Variants in ADGRL2 observed in about 807,000 individuals in gnomAD.
ADGRL2 encodes calcium-independent alpha-latrotoxin receptor 2.
Under a neutral mutation model 157.4 loss-of-function variants are expected in ADGRL2, and 44 were observed. The ratio of observed to expected loss-of-function variants is 0.28; its 90% CI spans 0.22 to 0.36. ADGRL2 has a LOEUF of 0.36. Ranked by LOEUF, ADGRL2 falls within the 10% of genes least tolerant of loss-of-function variation. The pLI is 1.00. For synonymous variants in ADGRL2, 585 were observed against 624.7 expected (o/e 0.94, Z 0.95); for missense variants, 1,510 against 1,768.9 (o/e 0.85, Z 2.63).
At chr1:81,629,002 G>C (rs1398404384) in intron 3 of ADGRL2, among the ~76,000 whole-genome samples, 1 of 152,148 alleles carries the variant, frequency 6.6e-6, no homozygotes, top group Non-Finnish European at 1.5e-5. Context: ...AGTCTCATTA[G>C]AGTTTTCTAG....
At chr1:81,505,740 CAAAAAAAAAAA>C (rs59062091) in intron 2 of ADGRL2, among the ~76,000 whole-genome samples, 2,226 of 85,178 alleles carry the variant, frequency 0.026, 66 homozygotes, top group African/African-American at 0.088. Flanking sequence ...TGTCCTCCTG[CAAAAAAAAAAA>C]AAAAAAAAAA....
chr1:81,683,500 G>A (rs544897924), intron 3 of ADGRL2, among the ~76,000 whole-genome samples: 4 of 152,104 alleles, frequency 2.6e-5, no homozygotes, highest in East Asian at 3.9e-4. Context: ...ATGCCTTTGC[G>A]TCCTCATAGC....
At chr1:81,896,742 A>T (rs1044101918) in intron 2 of ADGRL2, among the ~76,000 whole-genome samples, 14 of 152,160 alleles carry the variant, frequency 9.2e-5, no homozygotes, top group African/African-American at 3.4e-4. Flanking sequence ...CTGAATAACT[A>T]ATATTCAGTT....
intron 1 of ADGRL2, among the ~76,000 whole-genome samples, chr1:81,420,094 AG>A (rs1447144801): frequency 6.6e-6 from 1 of 152,224 alleles, no homozygotes; most frequent in African/African-American, 2.4e-5. Context: ...AAAAAAATAG[AG>A]GCAACCTAAC....
At chr1:81,544,932 T>C (rs1291556471) in intron 2 of ADGRL2, among the ~76,000 whole-genome samples, 1 of 152,192 alleles carries the variant, frequency 6.6e-6, no homozygotes, top group Non-Finnish European at 1.5e-5. Flanking sequence ...CAGTTTCTCA[T>C]CTACTTTCTC....
intron 1 of ADGRL2, among the ~76,000 whole-genome samples, chr1:81,345,565 A>G (rs917250575): frequency 4.6e-5 from 7 of 152,220 alleles, no homozygotes; most frequent in Non-Finnish European, 8.8e-5. Context: ...ATTAATATTA[A>G]AATAAAAAAT....
intron 17 of ADGRL2, 72 bp downstream of exon 17, chr1:81,971,990 G>T: frequency 2.1e-6 from 1 of 481,018 alleles, no homozygotes; most frequent in South Asian, 2.4e-5. Context: ...AGGATAATTT[G>T]TTTTATTGTT....
chr1:81,682,775 A>G (rs909889000), intron 3 of ADGRL2, among the ~76,000 whole-genome samples: 3 of 152,194 alleles, frequency 2.0e-5, no homozygotes, highest in East Asian at 3.8e-4. Context: ...CTTTGCCTTT[A>G]TGGAAGTTCT....
chr1:81,611,118 T>G (rs1428980336), intron 3 of ADGRL2, among the ~76,000 whole-genome samples: 2 of 152,236 alleles, frequency 1.3e-5, no homozygotes, highest in Admixed American at 1.3e-4. Context: ...CTTTCAGCAG[T>G]TCTGCAATTG....
intron 3 of ADGRL2, among the ~76,000 whole-genome samples, chr1:81,631,486 C>A (rs1400380897): frequency 2.6e-5 from 4 of 152,148 alleles, no homozygotes; most frequent in African/African-American, 9.7e-5. Context: ...GGATTACAGG[C>A]ATGAACCACT....
rs549122613 is a variant in ADGRL2, at chr1:81,503,544, T to G, written c.-248+58455T>G. 1.2e-3 allele frequency: 1,803 copies of G among 1,532,958 alleles called. 1 individual carries two copies. Among genetic ancestry groups the G allele is most frequent in the Non-Finnish European group, 1.4e-3 (1,545 of 1,123,546 alleles). 95.0% of individuals were successfully genotyped at this position (1,532,958 alleles called of 1,614,324 possible). A position where few individuals can be genotyped will look rare whatever the true frequency, so the allele number is the denominator to read the frequency against. On this transcript the variant is annotated intron_variant, in intron 2 of 24. Transcript: ENST00000370721. ...AAGTTGATGCACAGAATTTACCTCA[T>G]CTCACGGAGCCCACGTCGACGAGCA...
At chr1:81,411,858 C>A (rs1223600073) in intron 1 of ADGRL2, among the ~76,000 whole-genome samples, 2 of 140,772 alleles carry the variant, frequency 1.4e-5, no homozygotes, top group African/African-American at 5.3e-5. Flanking sequence ...CCAGCCTGGG[C>A]AACAAAGCGA....
At chr1:81,485,339 A>G (rs1187429199) in intron 2 of ADGRL2, among the ~76,000 whole-genome samples, 2 of 152,146 alleles carry the variant, frequency 1.3e-5, no homozygotes, top group African/African-American at 4.8e-5. Flanking sequence ...ATTAACTCCA[A>G]TAAAAAGCCT....
chr1:81,957,702 C>T (rs1653998369), intron 11 of ADGRL2, among the ~76,000 whole-genome samples: 1 of 151,342 alleles, frequency 6.6e-6, no homozygotes, highest in Admixed American at 6.6e-5. Flanking sequence ...GAGTGAGACC[C>T]CATCTCAAAA....
rs933076953 is a variant in ADGRL2 at position 81,987,897 on chromosome 1, A to G, written c.3655+11A>G. 2 of 323,034 alleles carry G rather than the reference A, an allele frequency of 6.2e-6. No individual in the cohort carries two copies. The highest frequency in any genetic ancestry group is 1.3e-5 in the Non-Finnish European group (2 of 150,398). 20.0% of individuals were successfully genotyped at this position (323,034 alleles called of 1,614,324 possible). ...CCTACAGAGAGACAAGTATGGGAGT[A>G]AAACTTAACTTTGCCTATCAAATGT... On this transcript the variant is annotated intron_variant, in intron 23 of 23. Transcript: ENST00000686636.
chr1:81,749,611 T>A (rs990705766), intron 1 of ADGRL2, among the ~76,000 whole-genome samples: 1 of 152,224 alleles, frequency 6.6e-6, no homozygotes, highest in South Asian at 2.1e-4. Flanking sequence ...GTTTGTTAAA[T>A]GAATACATAA....
At chr1:81,930,354 T>C (rs959297513) in intron 3 of ADGRL2, among the ~76,000 whole-genome samples, 1 of 152,194 alleles carries the variant, frequency 6.6e-6, no homozygotes, top group Non-Finnish European at 1.5e-5. Flanking sequence ...TACTAGTATG[T>C]AAATTAATGA....
chr1:81,595,954 C>A (rs1570596680), intron 3 of ADGRL2, among the ~76,000 whole-genome samples: 1 of 152,228 alleles, frequency 6.6e-6, no homozygotes, highest in Middle Eastern at 3.4e-3. Flanking sequence ...CTGTCTTCTC[C>A]TTGTCCTCAC....
chr1:81,991,334 A>T lies in ADGRL2; in HGVS notation c.*189A>T, dbSNP rs1664567830. Reference sequence around the variant, plus strand: ...TAAAACATACAAAAACTTTGTATATACACAGAGTATACTAAAGTGAATTAT... The same window carrying T: ...TAAAACATACAAAAACTTTGTATATTCACAGAGTATACTAAAGTGAATTAT... On this transcript the variant is annotated 3_prime_UTR_variant, in exon 24 of 24. Coordinates refer to ENST00000686636, the MANE Select transcript of ADGRL2 (RefSeq NM_001366006.2). 2.0e-6 allele frequency: 1 copy of T among 508,816 alleles called. No homozygotes were observed. Among genetic ancestry groups the T allele is most frequent in the Non-Finnish European group, 3.5e-6 (1 of 288,626 alleles). The allele number at this position is 508,816 out of a possible 1,614,324, so 31.5% of individuals were successfully genotyped here.
Sources: gnomAD v4.1 joint callset for allele counts (sites outside exome capture counted in the v4.1 genomes callset) on GRCh38, gnomAD v4.1.1 for gene constraint, MANE v1.5 for transcripts, NCBI Gene and HGNC (gene_info 2026-07-23, HGNC 2026-07-21) for gene names.